The following IL23R variants were observed in gnomAD, a reference collection of about 807,000 sequenced individuals.
The protein encoded by IL23R is interleukin-23 receptor.
A neutral mutation model predicts 56.9 loss-of-function variants in IL23R; 34 were observed. That is an observed-to-expected ratio of 0.60 (90% confidence interval 0.45 to 0.80). The LOEUF is 0.80. Among genes scored for constraint, IL23R ranks in the 30% least tolerant of loss-of-function variants. IL23R has a pLI of 0.00. For missense variants in IL23R, 635 were observed against 730.0 expected, an observed-to-expected ratio of 0.87 and a Z score of 1.50; for synonymous variants, 230 against 249.2, an observed-to-expected ratio of 0.92 and a Z score of 0.73.
chr1:67,231,072 ACTC>A (rs1651072825), intron 7 of IL23R, among the ~76,000 whole-genome samples: 1 of 152,014 alleles, frequency 6.6e-6, no homozygotes, highest in African/African-American at 2.4e-5. Context: ...CTTTAATATG[ACTC>A]CTCTTTCTTG....
intron 1 of IL23R, among the ~76,000 whole-genome samples, chr1:67,149,746 G>A (rs926829763): frequency 6.6e-6 from 1 of 152,150 alleles, no homozygotes; most frequent in Non-Finnish European, 1.5e-5. Context: ...AAATCCGTAA[G>A]TTGAAATTGG....
intron 7 of IL23R, among the ~76,000 whole-genome samples, chr1:67,222,284 T>C (rs915726828): frequency 6.6e-6 from 1 of 151,794 alleles, no homozygotes; most frequent in African/African-American, 2.4e-5. Context: ...GCCTGGCTAA[T>C]TTTTGTATTT....
chr1:67,259,633 C>A lies in IL23R; in HGVS notation c.*505C>A. ...AGAAAGGGTAAATAATGCAAAATAC[C>A]TGGTAGTAAAATAAATGCTGAAAAT... On this transcript the variant is annotated 3_prime_UTR_variant, in exon 11 of 11. Transcript: ENST00000347310. 6.3e-6 allele frequency: 1 copy of A among 158,534 alleles called. No individual in the cohort carries two copies. Among genetic ancestry groups the A allele is most frequent in the South Asian group, 1.8e-4 (1 of 5,462 alleles). 9.8% of individuals were successfully genotyped at this position (158,534 alleles called of 1,614,324 possible).
intron 7 of IL23R, among the ~76,000 whole-genome samples, chr1:67,225,985 G>A (rs1650591379): frequency 6.6e-6 from 1 of 152,246 alleles, no homozygotes; most frequent in Non-Finnish European, 1.5e-5. Flanking sequence ...GAAAGGCAGA[G>A]TGGATATGAT....
intron 6 of IL23R, among the ~76,000 whole-genome samples, chr1:67,211,805 C>T (rs1270081600): frequency 2.0e-5 from 3 of 152,168 alleles, no homozygotes; most frequent in African/African-American, 4.8e-5. Flanking sequence ...GGTGGTGCTA[C>T]ATAGGCCATC....
At position 67,167,542 on chromosome 1, in the gene IL23R, G is replaced by A. The variant is rs561351181; in HGVS notation, c.-29-550G>A. On this transcript the variant is annotated intron_variant, in intron 1 of 10. Coordinates refer to ENST00000347310, the MANE Select transcript of IL23R (RefSeq NM_144701.3). ...GGAGTGTGATAAGTATGTAACTTTG[G>A]CAGGGAGAAGAATTCATCACCAGAA... 2.5e-3 allele frequency among the ~76,000 whole-genome samples: 379 copies of A among 152,188 alleles called. 1 individual carries two copies. Among genetic ancestry groups the A allele is most frequent in the African/African-American group, 8.7e-3 (360 of 41,530 alleles).
At chr1:67,187,426 A>G (rs1046220798) in intron 4 of IL23R, among the ~76,000 whole-genome samples, 1 of 152,184 alleles carries the variant, frequency 6.6e-6, no homozygotes, top group Non-Finnish European at 1.5e-5. Flanking sequence ...CTAATTTCCT[A>G]TTTAGTATCA....
At chr1:67,148,831 G>T (rs1394552644) in intron 1 of IL23R, among the ~76,000 whole-genome samples, 1 of 152,156 alleles carries the variant, frequency 6.6e-6, no homozygotes, top group Non-Finnish European at 1.5e-5. Flanking sequence ...TGTTAGAACG[G>T]CTCTGAACCT....
At chr1:67,159,907 A>G (rs1040340603) in intron 1 of IL23R, among the ~76,000 whole-genome samples, 1 of 152,246 alleles carries the variant, frequency 6.6e-6, no homozygotes, top group African/African-American at 2.4e-5. Context: ...AGACCTGCCC[A>G]TGATTGTTAT....
chr1:67,219,160 A>T (rs1464427434), intron 6 of IL23R, among the ~76,000 whole-genome samples: 1 of 152,014 alleles, frequency 6.6e-6, no homozygotes, highest in Non-Finnish European at 1.5e-5. Context: ...TGAGGTCAAA[A>T]ATTCAAGACC....
At chr1:67,209,688 CT>C (rs1460231758) in intron 6 of IL23R, among the ~76,000 whole-genome samples, 1 of 152,168 alleles carries the variant, frequency 6.6e-6, no homozygotes, top group Non-Finnish European at 1.5e-5. Context: ...TGAAAACAGA[CT>C]AATGCAGTAC....
Position 67,228,005 on chromosome 1 carries a change from T to C in IL23R, c.955+8275T>C, listed in dbSNP as rs12740618. Among the ~76,000 whole-genome samples, 35 of 109,494 alleles carry C rather than the reference T, an allele frequency of 3.2e-4. 7 individuals carry two copies. Among genetic ancestry groups the C allele is most frequent in the Non-Finnish European group, 5.8e-4 (30 of 51,466 alleles). 71.8% of individuals were successfully genotyped at this position (109,494 alleles called of 152,430 possible). On this transcript the variant is annotated intron_variant, in intron 7 of 10. Coordinates refer to ENST00000347310, the MANE Select transcript of IL23R (RefSeq NM_144701.3). ...TTCTTTCTTTCTTTCTTTCTTTCTTTCTTTCTTTCTTTCTTCCTTTCTTTC... is the reference window on the plus strand; with the variant it reads ...TTCTTTCTTTCTTTCTTTCTTTCTTCCTTTCTTTCTTTCTTCCTTTCTTTC...
Position 67,258,571 on chromosome 1 carries a change from C to A in IL23R, c.1333C>A (p.His445Asn), listed in dbSNP as rs758014823. 1 of 1,612,148 alleles carries A rather than the reference C, an allele frequency of 6.2e-7. No homozygotes were observed. Among genetic ancestry groups the A allele is most frequent in the East Asian group, 2.2e-5 (1 of 44,866 alleles). ...TEIKEIFIPE[H>N]KPTDYKKENT... ...GATAAAAGAAATCTTCATCCCAGAACACAAGCCTACAGACTACAAGAAGGA... is the reference window on the plus strand; with the variant it reads ...GATAAAAGAAATCTTCATCCCAGAAAACAAGCCTACAGACTACAAGAAGGA... Residue 445 changes from histidine to asparagine, a missense_variant, in exon 11 of 11, where the codon CAC becomes AAC. Physicochemically the swap from His to Asn is moderately conservative, Grantham distance 68 (BLOSUM62 1). Transcript: ENST00000347310.
chr1:67,235,582 C>T (rs879273737), intron 7 of IL23R, among the ~76,000 whole-genome samples: 5 of 152,000 alleles, frequency 3.3e-5, no homozygotes, highest in Non-Finnish European at 7.4e-5. Flanking sequence ...TTAGTAGAAA[C>T]AGGGTTTCAC....
intron 7 of IL23R, among the ~76,000 whole-genome samples, chr1:67,229,088 G>A (rs1466112316): frequency 6.6e-6 from 1 of 152,182 alleles, no homozygotes; most frequent in Non-Finnish European, 1.5e-5. Flanking sequence ...TGTCCTCCAA[G>A]TCAATTCATT....
intron 1 of IL23R, among the ~76,000 whole-genome samples, chr1:67,159,528 G>A (rs1425097675): frequency 6.6e-6 from 1 of 152,062 alleles, no homozygotes; most frequent in Non-Finnish European, 1.5e-5. Context: ...CTCAGTCTCA[G>A]GTAGTTCTTT....
intron 4 of IL23R, among the ~76,000 whole-genome samples, chr1:67,192,609 C>T (rs1387419374): frequency 1.3e-5 from 2 of 152,176 alleles, no homozygotes. Flanking sequence ...ATTTTCAAAA[C>T]CAAACACCCA....
chr1:67,250,343 T>C (rs1403021717), intron 9 of IL23R, among the ~76,000 whole-genome samples: 1 of 152,170 alleles, frequency 6.6e-6, no homozygotes, highest in African/African-American at 2.4e-5. Flanking sequence ...AACCAGTTAT[T>C]TTACTTTAGG....
intron 1 of IL23R, among the ~76,000 whole-genome samples, chr1:67,154,019 C>T (rs1048012505): frequency 2.0e-5 from 3 of 152,218 alleles, no homozygotes; most frequent in Non-Finnish European, 1.5e-5. Context: ...CTGCCCGCTT[C>T]GTTCTCCCAA....
Sources: gnomAD v4.1 joint callset for allele counts (sites outside exome capture counted in the v4.1 genomes callset) on GRCh38, gnomAD v4.1.1 for gene constraint, MANE v1.5 for transcripts, NCBI Gene and HGNC (gene_info 2026-07-23, HGNC 2026-07-21) for gene names.